The following IQUB variants were observed in gnomAD, a reference collection of about 807,000 sequenced individuals.
IQUB encodes IQ motif and ubiquitin-like domain-containing protein.
In IQUB, 86 loss-of-function variants were observed where a neutral mutation model predicts 86.4. That is an observed-to-expected ratio of 1.00 (90% CI 0.84 to 1.19). The LOEUF (loss-of-function observed/expected upper bound fraction) is 1.19, where lower values mean the gene tolerates loss of function less well. IQUB is among the 50% of genes most tolerant of loss of function. The pLI is 0.00. For synonymous variants in IQUB, 289 were observed against 304.5 expected (o/e 0.95, Z 0.53); for missense variants, 946 against 916.9 (o/e 1.03, Z -0.41).
intron 8 of IQUB, among the ~76,000 whole-genome samples, chr7:123,477,542 A>C (rs1384810740): frequency 6.6e-6 from 1 of 152,206 alleles, no homozygotes. Flanking sequence ...CAAGGACTTC[A>C]TGTCTAAAAC....
Position 123,473,906 on chromosome 7 carries a change from C to T in IQUB, c.1411-4522G>A, listed in dbSNP as rs1390828220. ...AGCCAAGTTTTTAATATTTGATACT[C>T]TGTGGAAGTCAATATTTGGTGACTT... is the stretch of plus-strand genomic sequence containing the variant. On this transcript the variant is annotated intron_variant, in intron 8 of 12. Transcript: ENST00000324698. Among the ~76,000 whole-genome samples the T allele has an allele frequency of 2.0e-5, 3 of 152,042 alleles. No individual in the cohort carries two copies. In the East Asian group the frequency reaches 5.8e-4, roughly 29 times the overall value.
intron 9 of IQUB, among the ~76,000 whole-genome samples, chr7:123,465,561 T>C (rs932009771): frequency 6.6e-6 from 1 of 151,964 alleles, no homozygotes; most frequent in Non-Finnish European, 1.5e-5. Flanking sequence ...TATAAAGTAA[T>C]AGAAATGAGT....
intron 7 of IQUB, among the ~76,000 whole-genome samples, chr7:123,485,309 TCTC>T (rs1000893104): frequency 2.0e-5 from 3 of 152,098 alleles, no homozygotes; most frequent in African/African-American, 7.2e-5. Flanking sequence ...TGTGTCCTAA[TCTC>T]CTCTTCTTAT....
chr7:123,509,508 T>C (rs1796325577), intron 3 of IQUB, among the ~76,000 whole-genome samples: 1 of 152,198 alleles, frequency 6.6e-6, no homozygotes, highest in African/African-American at 2.4e-5. Flanking sequence ...TCTCACCTCT[T>C]TGTGACTTGG....
intron 11 of IQUB, among the ~76,000 whole-genome samples, chr7:123,460,236 C>CTGAT (rs1793919276): frequency 6.6e-6 from 1 of 151,714 alleles, no homozygotes; most frequent in African/African-American, 2.4e-5. Flanking sequence ...GATTTTTGTG[C>CTGAT]TGATTAACTC....
In IQUB at chr7:123,479,833, C is replaced by A. The variant is rs1794912925; in HGVS notation, c.1372G>T (p.Ala458Ser). The A allele has an allele frequency of 6.2e-7, 1 of 1,612,266 alleles. No homozygotes were observed. The highest frequency in any genetic ancestry group is 1.3e-5 in the African/African-American group (1 of 74,808). The part of the protein sequence containing the change: ...IGRHRYIAYM[A>S]NQEAAIQAFL... ...GCTTGTATTGCTGCTTCCTGATTTGCCATATAAGCAATGTATCTATGTCTC... is the reference window on the plus strand; with the variant it reads ...GCTTGTATTGCTGCTTCCTGATTTGACATATAAGCAATGTATCTATGTCTC... The change falls in exon 8 of 13, where the codon GCA becomes TCA. Residue 458 changes from alanine (A) to serine (S), a missense_variant. Transcript: ENST00000324698.
intron 11 of IQUB, chr7:123,457,920 G>A (rs895612905): frequency 2.0e-4 from 35 of 179,126 alleles, no homozygotes; most frequent in Non-Finnish European, 3.7e-4. Flanking sequence ...TAATTTCAGG[G>A]CCATTGTAGG....
intron 7 of IQUB, among the ~76,000 whole-genome samples, chr7:123,480,763 T>C (rs1263001915): frequency 6.6e-6 from 1 of 152,138 alleles, no homozygotes; most frequent in Admixed American, 6.6e-5. Flanking sequence ...TTTCCATTTA[T>C]TTACAAAACT....
At chr7:123,465,310 C>G (rs1213674370) in intron 9 of IQUB, among the ~76,000 whole-genome samples, 1 of 151,778 alleles carries the variant, frequency 6.6e-6, no homozygotes, top group East Asian at 1.9e-4. Context: ...GAATAAGCAA[C>G]ACTAAACCAT....
chr7:123,531,053 C>T (rs1176144082), intron 1 of IQUB, among the ~76,000 whole-genome samples: 1 of 152,116 alleles, frequency 6.6e-6, no homozygotes, highest in Non-Finnish European at 1.5e-5. Context: ...TGTCAAGAAA[C>T]TTGCTTAAGA....
chr7:123,533,041 C>G (rs1218730531), intron 1 of IQUB: 2 of 152,228 alleles, frequency 1.3e-5, no homozygotes, highest in African/African-American at 4.8e-5. Flanking sequence ...TCTGCGCAGA[C>G]AGCGCTGCCA....
intron 7 of IQUB, 124 bp from the exon 8 acceptor site, chr7:123,480,094 T>C (rs1794937518): frequency 1.4e-6 from 1 of 690,010 alleles, no homozygotes; most frequent in Non-Finnish European, 2.3e-6. Flanking sequence ...TAGAATCATT[T>C]CTATTGTACA....
At chr7:123,500,908 A>G (rs1366169610) in intron 6 of IQUB, 1 of 151,784 alleles carries the variant, frequency 6.6e-6, no homozygotes, top group Non-Finnish European at 1.5e-5. Context: ...TTTCAATATC[A>G]TTTTTTGGAG....
Position 123,457,544 on chromosome 7 carries a change from G to A in IQUB, c.2030C>T (p.Thr677Ile). 2 of 1,605,794 alleles carry A rather than the reference G, an allele frequency of 1.2e-6. No homozygotes were observed. The highest frequency in any genetic ancestry group is 8.5e-7 in the Non-Finnish European group (1 of 1,177,226). The change falls in exon 12 of 13, where the codon ACA becomes ATA. Residue 677 changes from threonine (T) to isoleucine (I), a missense_variant. Coordinates refer to ENST00000324698, the MANE Select transcript of IQUB (RefSeq NM_178827.5). ...TGACTGGGACGCCCAGATGTTCTCTGTCAGGTACTGAATGTCTTGTAGCTG... is the reference window on the plus strand; with the variant it reads ...TGACTGGGACGCCCAGATGTTCTCTATCAGGTACTGAATGTCTTGTAGCTG... ...LMQLQDIQYL[T>I]ENIWASQSVL...
chr7:123,469,567 C>A lies in IQUB; in HGVS notation c.1411-183G>T, dbSNP rs1053240200. ...AAAAGTAAAATATTTTAGAAAAAAA[C>A]AAATAAGAATGACAGTTATTCAGTC... On this transcript the variant is annotated intron_variant, in intron 8 of 12. Coordinates refer to ENST00000324698, the MANE Select transcript of IQUB (RefSeq NM_178827.5). 2.0e-5 allele frequency among the ~76,000 whole-genome samples: 3 copies of A among 151,852 alleles called. No individual in the cohort carries two copies. The East Asian group carries it at 5.8e-4, about 29-fold the overall frequency.
At chr7:123,525,603 T>C (rs556879713) in intron 1 of IQUB, among the ~76,000 whole-genome samples, 267 of 152,320 alleles carry the variant, frequency 1.8e-3, no homozygotes, top group African/African-American at 6.1e-3. Context: ...TTTTTCTTTA[T>C]TCGTCTTGCT....
rs1210296771 is a variant in IQUB, at chr7:123,461,214, T to C, written c.2007+143A>G. On this transcript the variant is annotated intron_variant, in intron 11 of 12. Coordinates refer to ENST00000324698, the MANE Select transcript of IQUB (RefSeq NM_178827.5). ...TGGTGAGCAGGAGGGAAAAAAAGCA[T>C]ACTCCTGCCCTCACAGAGCTTACAG... 4 of 810,660 alleles carry C rather than the reference T, an allele frequency of 4.9e-6. No homozygotes were observed. In the African/African-American group the frequency reaches 5.2e-5, roughly 10 times the overall value. The allele number at this position is 810,660 out of a possible 1,614,324, so 50.2% of individuals were successfully genotyped here. A position where few individuals can be genotyped will look rare whatever the true frequency, so the allele number is the denominator to read the frequency against.
intron 1 of IQUB, among the ~76,000 whole-genome samples, chr7:123,518,752 C>G (rs1034136408): frequency 6.6e-6 from 1 of 151,848 alleles, no homozygotes; most frequent in African/African-American, 2.4e-5. Flanking sequence ...CACCACCACG[C>G]CTGGCTAATT....
In IQUB at chr7:123,468,658, T is replaced by C. The variant is rs200479552; in HGVS notation, c.1581+556A>G. Among the ~76,000 whole-genome samples, 4 of 152,332 alleles carry C rather than the reference T, an allele frequency of 2.6e-5. No homozygotes were observed. The East Asian group carries it at 5.8e-4, about 22-fold the overall frequency. Reference sequence around the variant, plus strand: ...AGTCATTGTTCAGAATCCACCACAATTTAATTTCTCTATCCTCCCGATTCT... The same window carrying C: ...AGTCATTGTTCAGAATCCACCACAACTTAATTTCTCTATCCTCCCGATTCT... On this transcript the variant is annotated intron_variant, in intron 9 of 12. Transcript: ENST00000324698.
Sources: gnomAD v4.1 joint callset for allele counts (sites outside exome capture counted in the v4.1 genomes callset) on GRCh38, gnomAD v4.1.1 for gene constraint, MANE v1.5 for transcripts, NCBI Gene and HGNC (gene_info 2026-07-23, HGNC 2026-07-21) for gene names.